The following PRKCA variants were observed in gnomAD, a reference collection of about 807,000 sequenced individuals.
PRKCA encodes the protein protein kinase C alpha.
Under a neutral mutation model 87.0 loss-of-function variants are expected in PRKCA, and 27 were observed. That is an observed-to-expected ratio of 0.31 (90% CI 0.23 to 0.43). The LOEUF (loss-of-function observed/expected upper bound fraction) is 0.43. PRKCA is among the 20% of genes least tolerant of loss of function. The pLI, the probability that PRKCA is intolerant of heterozygous loss-of-function variation, is 1.00. For missense variants in PRKCA, 518 were observed against 852.3 expected, an observed-to-expected ratio of 0.61 and a Z score of 4.88; for synonymous variants, 329 against 311.1, an observed-to-expected ratio of 1.06 and a Z score of -0.61.
chr17:66,438,400 T>C (rs1913528975), intron 2 of PRKCA, among the ~76,000 whole-genome samples: 1 of 152,072 alleles, frequency 6.6e-6, no homozygotes, highest in Non-Finnish European at 1.5e-5. Context: ...TTGAGTGGTG[T>C]GAGATTGGGA....
At chr17:66,432,606 G>A (rs77657294) in intron 2 of PRKCA, among the ~76,000 whole-genome samples, 63 of 152,212 alleles carry the variant, frequency 4.1e-4, no homozygotes, top group African/African-American at 1.5e-3. Context: ...TCCTGTATTT[G>A]GCCAGTTGGA....
rs184033257 is a variant in PRKCA, at chr17:66,745,544, G to A, written c.1524+2784G>A. Among the ~76,000 whole-genome samples the A allele has an allele frequency of 4.6e-5, 7 of 152,298 alleles. No individual in the cohort carries two copies. In the East Asian group the frequency reaches 1.4e-3, roughly 29 times the overall value. ...AAAAATACAAAAATTAGCCGGGTGT[G>A]GTGGCAGGTGCCTGTAATCCCAGCT... On this transcript the variant is annotated intron_variant, in intron 13 of 16. Coordinates refer to ENST00000413366, the MANE Select transcript of PRKCA (RefSeq NM_002737.3).
chr17:66,781,889 T>TATATATATATA (rs1568030784), intron 14 of PRKCA, among the ~76,000 whole-genome samples: 4 of 97,750 alleles, frequency 4.1e-5, no homozygotes, highest in East Asian at 5.9e-4. Flanking sequence ...ATATATATAG[T>TATATATATATA]GTGTGTGTGT....
Position 66,796,855 on chromosome 17 carries a change from A to G in PRKCA, c.1855-7018A>G, listed in dbSNP as rs1975682076. 3 of 985,290 alleles carry G rather than the reference A, an allele frequency of 3.0e-6. No homozygotes were observed. In the African/African-American group the frequency reaches 5.2e-5, roughly 17 times the overall value. The allele number at this position is 985,290 out of a possible 1,614,324, so 61.0% of individuals were successfully genotyped here. A position where few individuals can be genotyped will look rare whatever the true frequency, so the allele number is the denominator to read the frequency against. On this transcript the variant is annotated intron_variant, in intron 16 of 16. Transcript: ENST00000413366. ...CCTGAATACAAGTGAGGGTTCCCCT[A>G]CGATGAAGTACCTCCTGCATTTGGT...
intron 3 of PRKCA, among the ~76,000 whole-genome samples, chr17:66,583,448 T>C (rs1279933674): frequency 2.6e-5 from 4 of 152,212 alleles, no homozygotes. Context: ...ATTTATTCCT[T>C]TGAGAATTAA....
intron 2 of PRKCA, among the ~76,000 whole-genome samples, chr17:66,329,179 G>A (rs1325778066): frequency 6.6e-6 from 1 of 152,196 alleles, no homozygotes; most frequent in Non-Finnish European, 1.5e-5. Flanking sequence ...ATCCTTTTTA[G>A]GAGGAGAGAT....
chr17:66,437,831 A>G (rs1452649747), intron 2 of PRKCA, among the ~76,000 whole-genome samples: 1 of 150,792 alleles, frequency 6.6e-6, no homozygotes, highest in Admixed American at 6.7e-5. Context: ...AGGTGAACTC[A>G]TCTCCGTCTC....
intron 2 of PRKCA, among the ~76,000 whole-genome samples, chr17:66,337,838 T>C (rs1482127971): frequency 6.6e-6 from 1 of 152,192 alleles, no homozygotes. Context: ...CTTGACTCCA[T>C]GGAATTCTTG....
chr17:66,488,790 A>T (rs1916093911), intron 2 of PRKCA, among the ~76,000 whole-genome samples: 1 of 152,212 alleles, frequency 6.6e-6, no homozygotes, highest in African/African-American at 2.4e-5. Context: ...CTGAAGAATG[A>T]CATTCTTTAT....
chr17:66,466,403 A>G (rs1036940212), intron 2 of PRKCA, among the ~76,000 whole-genome samples: 1 of 152,198 alleles, frequency 6.6e-6, no homozygotes, highest in Non-Finnish European at 1.5e-5. Flanking sequence ...ACTGCTCACA[A>G]GCCACGGGCC....
rs988931314 is a variant in PRKCA at position 66,689,677 on chromosome 17, C to G, written c.918+630C>G. On this transcript the variant is annotated intron_variant, in intron 8 of 16. Transcript: ENST00000413366. This position sits in a 1 kb window ranked among gnomAD's most constrained non-coding sequence, Gnocchi z 4.1. ...GCTCCTTACTCCTCTTTTTCTTCTC[C>G]TCTCTCTCCCTTCTCCTCTTCATTT... Among the ~76,000 whole-genome samples the G allele has an allele frequency of 6.6e-6, 1 of 152,052 alleles. No individual in the cohort carries two copies. The highest frequency in any genetic ancestry group is 1.5e-5 in the Non-Finnish European group (1 of 68,034).
intron 8 of PRKCA, among the ~76,000 whole-genome samples, chr17:66,716,287 G>C (rs1973470717): frequency 6.6e-6 from 1 of 152,184 alleles, no homozygotes; most frequent in South Asian, 2.1e-4. Context: ...TAAAGCCAGT[G>C]TGGTGGTAAT....
At chr17:66,434,518 A>G (rs1421426824) in intron 2 of PRKCA, among the ~76,000 whole-genome samples, 1 of 152,084 alleles carries the variant, frequency 6.6e-6, no homozygotes, top group Non-Finnish European at 1.5e-5. Context: ...CATTCCAGCC[A>G]CCGCTGCTGG....
intron 8 of PRKCA, among the ~76,000 whole-genome samples, chr17:66,714,121 G>A (rs1472691699): frequency 6.6e-6 from 1 of 152,118 alleles, no homozygotes; most frequent in East Asian, 1.9e-4. Context: ...GATCCCAGGA[G>A]TATCTCGTGC....
At chr17:66,570,749 T>C (rs1969057966) in intron 3 of PRKCA, among the ~76,000 whole-genome samples, 1 of 152,222 alleles carries the variant, frequency 6.6e-6, no homozygotes, top group African/African-American at 2.4e-5. Flanking sequence ...TTTAAATAGC[T>C]GTAAACTTCT....
intron 3 of PRKCA, among the ~76,000 whole-genome samples, chr17:66,533,178 A>G (rs1294248527): frequency 6.6e-6 from 1 of 152,242 alleles, no homozygotes; most frequent in Non-Finnish European, 1.5e-5. Context: ...GGGATGCCCT[A>G]AAACAGCAGT....
At chr17:66,480,454 A>G (rs1425886287) in intron 2 of PRKCA, among the ~76,000 whole-genome samples, 3 of 152,244 alleles carry the variant, frequency 2.0e-5, no homozygotes, top group Non-Finnish European at 4.4e-5. Context: ...AAAAATTTAC[A>G]TAATAATGTG....
At chr17:66,394,185 C>T (rs1450182952) in intron 2 of PRKCA, among the ~76,000 whole-genome samples, 2 of 152,188 alleles carry the variant, frequency 1.3e-5, no homozygotes, top group African/African-American at 2.4e-5. Flanking sequence ...CATTTTACCA[C>T]AAAGAAATGT....
chr17:66,701,814 A>G (rs1338943715), intron 8 of PRKCA, among the ~76,000 whole-genome samples: 2 of 152,078 alleles, frequency 1.3e-5, no homozygotes, highest in Non-Finnish European at 2.9e-5. Context: ...AAAAAGTCAA[A>G]AGATAAGTGT....
Sources: allele counts gnomAD v4.1 joint callset (sites outside exome capture counted in the v4.1 genomes callset), GRCh38; gene constraint gnomAD v4.1.1; non-coding constraint Gnocchi (gnomAD v3.1); transcripts MANE v1.5; gene names NCBI Gene and HGNC (gene_info 2026-07-23, HGNC 2026-07-21).